The following MED12L variants were observed in gnomAD, a reference collection of about 807,000 sequenced individuals.
MED12L encodes mediator of RNA polymerase II transcription subunit 12-like protein.
In MED12L, 60 loss-of-function variants were observed where a neutral mutation model predicts 281.3. The observed-to-expected ratio is 0.21, with a 90% CI of 0.17 to 0.26. MED12L has a LOEUF of 0.26. MED12L is among the 10% of genes least tolerant of loss of function. The pLI, the probability that MED12L is intolerant of heterozygous loss-of-function variation, is 1.00. For synonymous variants in MED12L, 974 were observed against 987.2 expected, an observed-to-expected ratio of 0.99 and a Z score of 0.25; for missense variants, 2,146 against 2,680.9, an observed-to-expected ratio of 0.80 and a Z score of 4.41.
chr3:151,162,445 T>G (rs888751070), intron 8 of MED12L, among the ~76,000 whole-genome samples: 1 of 152,154 alleles, frequency 6.6e-6, no homozygotes, highest in Non-Finnish European at 1.5e-5. Context: ...GACAGGGTTT[T>G]GCTCTGTTGC....
intron 9 of MED12L, among the ~76,000 whole-genome samples, chr3:151,164,662 T>C (rs900484565): frequency 2.6e-5 from 4 of 152,200 alleles, no homozygotes; most frequent in South Asian, 4.1e-4. Flanking sequence ...TGGAATACTG[T>C]GCAACCATAA....
intron 16 of MED12L, chr3:151,338,683 T>C (rs768905411): frequency 6.2e-7 from 1 of 1,613,706 alleles, no homozygotes; most frequent in South Asian, 1.1e-5. Context: ...TTTGATTTAC[T>C]CCGGATTTGA....
intron 16 of MED12L, among the ~76,000 whole-genome samples, chr3:151,300,520 A>G (rs558678740): frequency 6.6e-6 from 1 of 152,320 alleles, no homozygotes; most frequent in Non-Finnish European, 1.5e-5. Context: ...CTTCCCCTGC[A>G]GCTGGGTCTG....
At position 151,207,958 on chromosome 3, in the gene MED12L, A is replaced by AT. The variant is rs1342512326; in HGVS notation, c.2250+14297dup. Among the ~76,000 whole-genome samples, 7 of 152,208 alleles carry AT rather than the reference A, an allele frequency of 4.6e-5. No homozygotes were observed. In the East Asian group the frequency reaches 1.2e-3, roughly 25 times the overall value. On this transcript the variant is annotated intron_variant, in intron 16 of 44. Transcript: ENST00000687756. ...TTTTTATTTGATATAGCTTAGATAGATTTTTATTTTATTCTTTTTCATTTA... is the reference window on the plus strand; with the variant it reads ...TTTTTATTTGATATAGCTTAGATAGATTTTTTATTTTATTCTTTTTCATTTA...
chr3:151,133,488 G>A (rs1164226156), intron 5 of MED12L, among the ~76,000 whole-genome samples: 2 of 152,128 alleles, frequency 1.3e-5, no homozygotes, highest in Non-Finnish European at 2.9e-5. Flanking sequence ...ACTTCAAAGT[G>A]GGTAATGAAA....
intron 2 of MED12L, among the ~76,000 whole-genome samples, chr3:151,090,373 TTCA>T (rs1043221994): frequency 2.0e-5 from 3 of 152,170 alleles, no homozygotes; most frequent in Non-Finnish European, 4.4e-5. Flanking sequence ...TGCCTGCCCC[TTCA>T]TCATTCAAGT....
At chr3:151,252,406 C>T (rs1737034828) in intron 16 of MED12L, among the ~76,000 whole-genome samples, 1 of 152,086 alleles carries the variant, frequency 6.6e-6, no homozygotes, top group African/African-American at 2.4e-5. Context: ...CAACTTCTGG[C>T]ATAAATACTG....
intron 5 of MED12L, among the ~76,000 whole-genome samples, chr3:151,136,837 TG>T (rs1160975397): frequency 2.0e-5 from 3 of 152,166 alleles, no homozygotes; most frequent in Non-Finnish European, 2.9e-5. Flanking sequence ...ATCTCCACAG[TG>T]GTGAAAAATG....
At chr3:151,272,514 C>T (rs1288062959) in intron 16 of MED12L, among the ~76,000 whole-genome samples, 2 of 152,164 alleles carry the variant, frequency 1.3e-5, no homozygotes, top group Admixed American at 1.3e-4. Flanking sequence ...CATTTTCTAA[C>T]TTATAAATTA....
intron 16 of MED12L, among the ~76,000 whole-genome samples, chr3:151,211,247 A>G (rs532008145): frequency 3.9e-5 from 6 of 152,068 alleles, no homozygotes; most frequent in Non-Finnish European, 8.8e-5. Flanking sequence ...TCTTGGTGCT[A>G]CTCATCTTCT....
chr3:151,231,201 G>T (rs1373202345), intron 16 of MED12L, among the ~76,000 whole-genome samples: 2 of 152,200 alleles, frequency 1.3e-5, no homozygotes, highest in Non-Finnish European at 2.9e-5. Context: ...GAGAATGCTG[G>T]CTAGTAAAGG....
rs573419924 is a variant in MED12L, at chr3:151,151,031, C to CTTTTTTTTTT, written c.557-5116_557-5107dup. ...ATCATTTGTATGACTGCTGAAGTAGCTTTTTTTTTTTTTTTTTTTTTTTGA... is the reference window on the plus strand; with the variant it reads ...ATCATTTGTATGACTGCTGAAGTAGCTTTTTTTTTTTTTTTTTTTTTTTTTTTTTTTTTGA... On this transcript the variant is annotated intron_variant, in intron 5 of 44. Coordinates refer to ENST00000687756, the MANE Select transcript of MED12L (RefSeq NM_001393769.1). Among the ~76,000 whole-genome samples, 88 of 32,884 alleles carry CTTTTTTTTTT rather than the reference C, an allele frequency of 2.7e-3. 32 individuals carry two copies. The highest frequency in any genetic ancestry group is 0.029 in the Middle Eastern group (1 of 34). The allele number at this position is 32,884 out of a possible 152,430, so 21.6% of individuals were successfully genotyped here. A position where few individuals can be genotyped will look rare whatever the true frequency, so the allele number is the denominator to read the frequency against.
intron 16 of MED12L, chr3:151,295,185 G>A: frequency 6.2e-7 from 1 of 1,610,036 alleles, no homozygotes; most frequent in Non-Finnish European, 8.5e-7. Flanking sequence ...CCTGAATTGT[G>A]ACTCTCTTGG....
At chr3:151,270,572 A>C (rs954039082) in intron 16 of MED12L, among the ~76,000 whole-genome samples, 1 of 152,106 alleles carries the variant, frequency 6.6e-6, no homozygotes, top group East Asian at 1.9e-4. Flanking sequence ...TCTCTGCGTG[A>C]ATATGGATAG....
chr3:151,284,291 T>A lies in MED12L; in HGVS notation c.2251-65768T>A, dbSNP rs564537167. On this transcript the variant is annotated intron_variant, in intron 16 of 44. Coordinates refer to ENST00000687756, the MANE Select transcript of MED12L (RefSeq NM_001393769.1). ...TCACATGTAGAGTTTTGTTTGTTTT[T>A]TTTTTTCTACCCAAAGAATAAGCCG... Among the ~76,000 whole-genome samples, 25 of 152,140 alleles carry A rather than the reference T, an allele frequency of 1.6e-4. No individual in the cohort carries two copies. In the South Asian group the frequency reaches 5.0e-3, roughly 30 times the overall value.
chr3:151,091,204 C>T (rs1013930675), intron 2 of MED12L, among the ~76,000 whole-genome samples: 3 of 152,148 alleles, frequency 2.0e-5, no homozygotes, highest in South Asian at 2.1e-4. Flanking sequence ...CAGGGACCTA[C>T]GGGAATAATG....
At chr3:151,354,837 C>T (rs1753714296) in intron 17 of MED12L, among the ~76,000 whole-genome samples, 1 of 152,022 alleles carries the variant, frequency 6.6e-6, no homozygotes, top group Non-Finnish European at 1.5e-5. Context: ...ATATGATTTC[C>T]TTTATATATA....
chr3:151,170,459 A>G lies in MED12L; in HGVS notation c.1494+4477A>G, dbSNP rs565752748. On this transcript the variant is annotated intron_variant, in intron 11 of 44. Transcript: ENST00000687756. ...CCCGGCTAATTTTTCTATTTTTAGTAGAGATGGGGTTTCACCATGTTGGCC... is the reference window on the plus strand; with the variant it reads ...CCCGGCTAATTTTTCTATTTTTAGTGGAGATGGGGTTTCACCATGTTGGCC... Among the ~76,000 whole-genome samples, 4 of 151,844 alleles carry G rather than the reference A, an allele frequency of 2.6e-5. No homozygotes were observed. The South Asian group carries it at 6.2e-4, about 24-fold the overall frequency.
chr3:151,305,593 T>C (rs1389210264), intron 16 of MED12L, among the ~76,000 whole-genome samples: 1 of 152,070 alleles, frequency 6.6e-6, no homozygotes, highest in African/African-American at 2.4e-5. Context: ...TCAGACAGTT[T>C]AATTAAGTTG....
Sources: gnomAD v4.1 joint callset for allele counts (sites outside exome capture counted in the v4.1 genomes callset) on GRCh38, gnomAD v4.1.1 for gene constraint, MANE v1.5 for transcripts, NCBI Gene and HGNC (gene_info 2026-07-23, HGNC 2026-07-21) for gene names.